The following REPS2 variants were observed in gnomAD, a reference collection of about 807,000 sequenced individuals.
REPS2 encodes RALBP1 associated Eps domain containing 2.
In REPS2, 23 loss-of-function variants were observed where a neutral mutation model predicts 53.6. The observed-to-expected ratio is 0.43, with a 90% confidence interval of 0.31 to 0.61. The LOEUF is 0.61. Among genes scored for constraint, REPS2 ranks in the 20% least tolerant of loss-of-function variants. The pLI, the probability that REPS2 is intolerant of heterozygous loss-of-function variation, is 0.11. For missense variants in REPS2, 446 were observed against 534.9 expected, an observed-to-expected ratio of 0.83 and a Z score of 1.64; for synonymous variants, 238 against 218.6, an observed-to-expected ratio of 1.09 and a Z score of -0.78.
At chrX:17,155,481 G>A (rs956099306), downstream of REPS2, among the ~76,000 whole-genome samples, 5 of 111,803 alleles carry the variant, frequency 4.5e-5, no homozygotes, top group African/African-American at 1.3e-4. Context: ...AATTATAGCA[G>A]ATGGATGTGG....
At chrX:17,050,784 C>A (rs1162474697) in intron 6 of REPS2, among the ~76,000 whole-genome samples, 2 of 111,265 alleles carry the variant, frequency 1.8e-5, no homozygotes, top group East Asian at 5.6e-4. Context: ...TGCAGACATG[C>A]AATACATAAT....
At chrX:17,181,070 C>T in the REPS2 span, among the ~76,000 whole-genome samples, 3 of 112,310 alleles carry the variant, frequency 2.7e-5, no homozygotes, top group African/African-American at 9.7e-5. Context: ...GTCTTCATTC[C>T]AGGCTGGACA....
At chrX:17,177,768 C>T in the REPS2 span, among the ~76,000 whole-genome samples, 2 of 111,890 alleles carry the variant, frequency 1.8e-5, no homozygotes, top group African/African-American at 6.5e-5. Context: ...ACTAGGCCTG[C>T]GAATTTGGGA....
At chrX:17,168,668 T>C in the REPS2 span, among the ~76,000 whole-genome samples, 2 of 112,133 alleles carry the variant, frequency 1.8e-5, no homozygotes, top group Admixed American at 1.9e-4. Context: ...GGTTCTTTTC[T>C]CAGGCTCTGT....
intron 1 of REPS2, among the ~76,000 whole-genome samples, chrX:16,965,084 G>A (rs762096761): frequency 1.8e-3 from 156 of 87,445 alleles, no homozygotes; most frequent in African/African-American, 6.6e-3. Flanking sequence ...CTGGCCGGGC[G>A]GGGGGCTGAC....
At chrX:17,027,979 GCAGGCTTGGCCATCC>G (rs1400574704) in intron 4 of REPS2, among the ~76,000 whole-genome samples, 1 of 110,986 alleles carries the variant, frequency 9.0e-6, no homozygotes, top group African/African-American at 3.3e-5. Flanking sequence ...CCAGTCACAG[GCAGGCTTGGCCATCC>G]CAGATTTCCC....
At chrX:17,037,125 T>TA (rs1738359326) in intron 5 of REPS2, among the ~76,000 whole-genome samples, 2 of 110,752 alleles carry the variant, frequency 1.8e-5, no homozygotes, top group African/African-American at 6.6e-5. Context: ...CCTGCTTACT[T>TA]ATTTTCTTCA....
intron 5 of REPS2, among the ~76,000 whole-genome samples, chrX:17,037,911 GC>G (rs1473755555): frequency 9.0e-6 from 1 of 111,490 alleles, no homozygotes; most frequent in Non-Finnish European, 1.9e-5. Flanking sequence ...GGAGTGTCAT[GC>G]CCCCCCAGTT....
intron 17 of REPS2, among the ~76,000 whole-genome samples, chrX:17,139,376 T>C (rs1044218816): frequency 1.8e-4 from 20 of 111,355 alleles, no homozygotes; most frequent in African/African-American, 6.5e-4. Flanking sequence ...TTACATCCTC[T>C]CTGAAAGAGG....
chrX:17,098,924 A>G (rs1421284093), intron 13 of REPS2, among the ~76,000 whole-genome samples: 2 of 111,694 alleles, frequency 1.8e-5, no homozygotes, highest in African/African-American at 6.5e-5. Flanking sequence ...TAACTTTATT[A>G]TTGGAAAAGA....
chrX:17,131,388 C>T (rs927561650), intron 14 of REPS2, among the ~76,000 whole-genome samples: 3 of 111,212 alleles, frequency 2.7e-5, no homozygotes, highest in Admixed American at 9.5e-5. Context: ...GGTATGTTAG[C>T]GCCCTTGGGA....
intron 9 of REPS2, among the ~76,000 whole-genome samples, chrX:17,065,583 T>A (rs2037652285): frequency 8.9e-6 from 1 of 111,888 alleles, no homozygotes; most frequent in African/African-American, 3.3e-5. Flanking sequence ...GTTTGTTTGT[T>A]TTTTTGTTTT....
intron 8 of REPS2, among the ~76,000 whole-genome samples, chrX:17,059,246 A>G: frequency 9.5e-6 from 1 of 105,483 alleles, no homozygotes; most frequent in Non-Finnish European, 1.9e-5. Context: ...TCCTGACCTC[A>G]TGATCCACCC....
chrX:17,010,852 G>A (rs2061420218), intron 2 of REPS2, among the ~76,000 whole-genome samples: 1 of 111,295 alleles, frequency 9.0e-6, no homozygotes, highest in African/African-American at 3.3e-5. Flanking sequence ...TTTCAACCTT[G>A]TCGGCACTTG....
intron 2 of REPS2, among the ~76,000 whole-genome samples, chrX:17,012,380 A>AAAC (rs370794081): frequency 0.42 from 43,072 of 101,720 alleles, 7,330 homozygotes; most frequent in Middle Eastern, 0.56. Context: ...TGCCATCTCA[A>AAAC]AACAACAACA....
chrX:17,173,003 G>A, the REPS2 span, among the ~76,000 whole-genome samples: 1 of 110,525 alleles, frequency 9.0e-6, no homozygotes, highest in African/African-American at 3.3e-5. Context: ...GTGTGTGTGT[G>A]TGCATCATAG....
chrX:17,100,046 T>A lies in REPS2; in HGVS notation c.1517-3672T>A, dbSNP rs767309264. ...TTGGTTTGCTCTCCTCTCCCTTATC[T>A]TCAGAATCAGAATCAGCTTTGTGCT... On this transcript the variant is annotated intron_variant, in intron 13 of 17. Coordinates refer to ENST00000357277, the MANE Select transcript of REPS2 (RefSeq NM_004726.3). 8.4e-5 allele frequency: 97 copies of A among 1,161,343 alleles called. No homozygotes were observed. In the Admixed American group the frequency reaches 2.0e-3, roughly 25 times the overall value.
chrX:17,178,182 A>T, the REPS2 span, among the ~76,000 whole-genome samples: 12 of 111,945 alleles, frequency 1.1e-4, no homozygotes, highest in African/African-American at 3.2e-4. Flanking sequence ...ACCCAAGAAC[A>T]TTTTTTTAAT....
At chrX:16,965,684 C>T (rs1398743009) in intron 1 of REPS2, among the ~76,000 whole-genome samples, 16 of 112,112 alleles carry the variant, frequency 1.4e-4, no homozygotes, top group Non-Finnish European at 3.0e-4. Flanking sequence ...CGGGAAGAGG[C>T]GCTCCTCACT....
Sources: gnomAD v4.1 joint callset for allele counts (sites outside exome capture counted in the v4.1 genomes callset) on GRCh38, gnomAD v4.1.1 for gene constraint, MANE v1.5 for transcripts, NCBI Gene and HGNC (gene_info 2026-07-23, HGNC 2026-07-21) for gene names.